AGK: variants seen among roughly 807,000 people sequenced by gnomAD.
AGK encodes acylglycerol kinase.
In AGK, 52 loss-of-function variants were observed where a neutral mutation model predicts 66.4. That is an observed-to-expected ratio of 0.78 (90% CI 0.63 to 0.99). The LOEUF is 0.99. Ranked by LOEUF, AGK falls within the 50% of genes least tolerant of loss-of-function variation. The pLI is 0.00. For missense variants in AGK, 451 were observed against 506.6 expected, an observed-to-expected ratio of 0.89 and a Z score of 1.05; for synonymous variants, 182 against 181.1, an observed-to-expected ratio of 1.00 and a Z score of -0.04.
intron 8 of AGK, among the ~76,000 whole-genome samples, chr7:141,619,673 GA>G (rs923949363): frequency 0.02 from 2,704 of 132,110 alleles, 76 homozygotes; most frequent in African/African-American, 0.07. Flanking sequence ...GCATAAACAA[GA>G]AAAAAAAAAA....
At chr7:141,567,290 A>G (rs1286024601) in intron 2 of AGK, among the ~76,000 whole-genome samples, 1 of 152,122 alleles carries the variant, frequency 6.6e-6, no homozygotes, top group African/African-American at 2.4e-5. Context: ...TAGAAAACAA[A>G]TATTTTTTGG....
At chr7:141,593,106 A>G (rs759028253) in intron 2 of AGK, 40 bp from the exon 3 acceptor site, 10 of 1,570,206 alleles carry the variant, frequency 6.4e-6, no homozygotes, top group Non-Finnish European at 7.9e-6. Context: ...ATCATAATCT[A>G]TTAAAGCTAA....
At chr7:141,631,197 C>T (rs1227042032) in intron 9 of AGK, among the ~76,000 whole-genome samples, 1 of 152,132 alleles carries the variant, frequency 6.6e-6, no homozygotes, top group Non-Finnish European at 1.5e-5. Flanking sequence ...CTATTGGCCA[C>T]TCACTGCTAG....
intron 2 of AGK, among the ~76,000 whole-genome samples, chr7:141,559,492 C>T (rs528745021): frequency 6.6e-4 from 101 of 152,204 alleles, no homozygotes; most frequent in Non-Finnish European, 1.3e-3. Context: ...TATGCCAATA[C>T]CACACTGTTT....
chr7:141,636,784 C>T (rs538634280), intron 10 of AGK, among the ~76,000 whole-genome samples, 176 bp from the exon 11 acceptor site: 1 of 152,242 alleles, frequency 6.6e-6, no homozygotes, highest in South Asian at 2.1e-4. Flanking sequence ...GGCATCAAAA[C>T]GTGGATTTAA....
chr7:141,598,467 C>T lies in AGK; in HGVS notation c.221+1826C>T, dbSNP rs575915134. Among the ~76,000 whole-genome samples, 29 of 152,252 alleles carry T rather than the reference C, an allele frequency of 1.9e-4. No homozygotes were observed. The highest frequency in any genetic ancestry group is 2.9e-5 in the Non-Finnish European group (2 of 68,012). ...TGTTTACTGTTTTGCCACTTACTAG[C>T]TCTATGATATTGTGGGAGTTAATTC... On this transcript the variant is annotated intron_variant, in intron 4 of 15. Transcript: ENST00000649286. This position sits in a 1 kb window ranked among gnomAD's most constrained non-coding sequence, Gnocchi z 4.2.
intron 15 of AGK, 84 bp from the exon 16 acceptor site, chr7:141,652,703 C>T: frequency 7.0e-7 from 1 of 1,431,420 alleles, no homozygotes; most frequent in Non-Finnish European, 9.6e-7. Context: ...CCATAATGAA[C>T]TTCTTCTGGT....
intron 2 of AGK, among the ~76,000 whole-genome samples, chr7:141,573,506 G>T (rs1273592269): frequency 1.3e-5 from 2 of 152,092 alleles, no homozygotes; most frequent in African/African-American, 4.8e-5. Context: ...GGTTTTACAC[G>T]TTCCAAGCGT....
chr7:141,621,635 T>C, intron 8 of AGK, 97 bp from the exon 9 acceptor site: 1 of 486,948 alleles, frequency 2.1e-6, no homozygotes, highest in South Asian at 2.6e-5. Flanking sequence ...AGAGAGAATA[T>C]GTGTGTGTGT....
chr7:141,569,178 T>C (rs1470313626), intron 2 of AGK, among the ~76,000 whole-genome samples: 1 of 152,210 alleles, frequency 6.6e-6, no homozygotes, highest in Non-Finnish European at 1.5e-5. Context: ...TAAAATTAAA[T>C]GGTTATGAGT....
chr7:141,614,222 T>C, intron 7 of AGK, 44 bp downstream of exon 7: 1 of 1,359,668 alleles, frequency 7.4e-7, no homozygotes, highest in Non-Finnish European at 1.0e-6. Context: ...TATTTTTCTG[T>C]TCTTTTTTAT....
At chr7:141,625,107 A>AT (rs1041746095) in intron 9 of AGK, among the ~76,000 whole-genome samples, 9 of 152,060 alleles carry the variant, frequency 5.9e-5, no homozygotes, top group South Asian at 2.1e-4. Context: ...TAATGTTAGC[A>AT]TTTTTTTTAA....
At chr7:141,611,422 C>A in intron 6 of AGK, 135 bp downstream of exon 6, 2 of 545,486 alleles carry the variant, frequency 3.7e-6, no homozygotes, top group Non-Finnish European at 6.1e-6. Flanking sequence ...CTCTCTAAAG[C>A]TAGTATAGCT....
chr7:141,574,759 T>C (rs1795696967), intron 2 of AGK, among the ~76,000 whole-genome samples: 1 of 152,204 alleles, frequency 6.6e-6, no homozygotes, highest in Admixed American at 6.5e-5. Context: ...TATTCACAAG[T>C]AGTAGCTTGT....
At chr7:141,606,123 C>T (rs1392356342) in intron 5 of AGK, among the ~76,000 whole-genome samples, 2 of 152,128 alleles carry the variant, frequency 1.3e-5, no homozygotes, top group Non-Finnish European at 2.9e-5. Flanking sequence ...TTTATTCATT[C>T]CCAGGTGATT....
At chr7:141,629,407 T>G (rs2116989481) in intron 9 of AGK, among the ~76,000 whole-genome samples, 1 of 152,294 alleles carries the variant, frequency 6.6e-6, no homozygotes, top group East Asian at 1.9e-4. Flanking sequence ...TTGTTTTTGT[T>G]TACTGACCCA....
intron 2 of AGK, among the ~76,000 whole-genome samples, chr7:141,567,017 A>G (rs1246035755): frequency 6.6e-6 from 1 of 152,124 alleles, no homozygotes; most frequent in African/African-American, 2.4e-5. Flanking sequence ...TGATGAGGTC[A>G]TTAATGGCCT....
chr7:141,625,780 T>G (rs180745062), intron 9 of AGK, among the ~76,000 whole-genome samples: 5 of 152,330 alleles, frequency 3.3e-5, no homozygotes, highest in Admixed American at 3.3e-4. Flanking sequence ...GCTTTTCTTT[T>G]TTTGAATTCA....
chr7:141,560,265 TC>T (rs1238960489), intron 2 of AGK, among the ~76,000 whole-genome samples: 1 of 151,054 alleles, frequency 6.6e-6, no homozygotes, highest in African/African-American at 2.4e-5. Flanking sequence ...TTTGTTGCCC[TC>T]CCTCCGTTTT....
Sources: gnomAD v4.1 joint callset for allele counts (sites outside exome capture counted in the v4.1 genomes callset) on GRCh38, gnomAD v4.1.1 for gene constraint, Gnocchi (gnomAD v3.1) non-coding constraint, MANE v1.5 for transcripts, NCBI Gene and HGNC (gene_info 2026-07-23, HGNC 2026-07-21) for gene names.